The following SMG6 variants were observed in gnomAD, a reference collection of about 807,000 sequenced individuals.
SMG6 encodes telomerase-binding protein EST1A.
In SMG6, 66 loss-of-function variants were observed where a neutral mutation model predicts 142.2. That is an observed-to-expected ratio of 0.46 (90% CI 0.38 to 0.57). The LOEUF is 0.57. SMG6 is among the 20% of genes least tolerant of loss of function. The probability of loss-of-function intolerance (pLI) is 0.00; values close to 1 mark genes in which losing one functional copy is unlikely to be tolerated. For missense variants in SMG6, 1,793 were observed against 1,832.0 expected, an observed-to-expected ratio of 0.98 and a Z score of 0.39; for synonymous variants, 779 against 702.4, an observed-to-expected ratio of 1.11 and a Z score of -1.72.
chr17:2,262,203 C>T (rs1480288052), intron 8 of SMG6, among the ~76,000 whole-genome samples: 3 of 152,186 alleles, frequency 2.0e-5, no homozygotes, highest in African/African-American at 7.2e-5. Flanking sequence ...CCAATGATTA[C>T]AACACAAAGC....
intron 8 of SMG6, among the ~76,000 whole-genome samples, chr17:2,252,533 C>A (rs1046379780): frequency 2.6e-5 from 4 of 152,096 alleles, no homozygotes; most frequent in Non-Finnish European, 5.9e-5. Flanking sequence ...GAGTTGAAAA[C>A]CTGGGTTCGA....
intron 13 of SMG6, among the ~76,000 whole-genome samples, chr17:2,109,469 G>T: frequency 6.6e-6 from 1 of 152,110 alleles, no homozygotes; most frequent in East Asian, 1.9e-4. Context: ...TCGCCATGTT[G>T]GCCAGCCTGG....
Position 2,071,600 on chromosome 17 carries a change from C to T in SMG6, c.3682-2669G>A, listed in dbSNP as rs528855730. On this transcript the variant is annotated intron_variant, in intron 15 of 18. Coordinates refer to ENST00000263073, the MANE Select transcript of SMG6 (RefSeq NM_017575.5). This position sits in a 1 kb window ranked among gnomAD's most constrained non-coding sequence, Gnocchi z 5.6. ...GCCATCATCCGGTCCCAGGGACGCC[C>T]GCAGACAACTTCCCTTAACCTGGCT... Among the ~76,000 whole-genome samples the T allele has an allele frequency of 1.2e-3, 186 of 152,162 alleles. 1 individual carries two copies. Among genetic ancestry groups the T allele is most frequent in the Non-Finnish European group, 2.0e-3 (133 of 68,028 alleles).
rs1028218243 is a variant in SMG6 at position 2,213,432 on chromosome 17, C to T, written c.2869+23060G>A. Among the ~76,000 whole-genome samples the T allele has an allele frequency of 7.2e-5, 11 of 152,276 alleles. No homozygotes were observed. In the East Asian group the frequency reaches 1.5e-3, roughly 21 times the overall value. On this transcript the variant is annotated intron_variant, in intron 10 of 18. Transcript: ENST00000263073. ...GCCTCTCAGCGCTAGGCCCTGATGC[C>T]GCAGCCAGCTTCAAACAACAGAATG...
At position 2,068,127 on chromosome 17, in the gene SMG6, C is replaced by T. The variant is rs2068001340; in HGVS notation, c.3835+651G>A. 2.0e-5 allele frequency among the ~76,000 whole-genome samples: 3 copies of T among 152,292 alleles called. No individual in the cohort carries two copies. In the South Asian group the frequency reaches 6.2e-4, roughly 32 times the overall value. On this transcript the variant is annotated intron_variant, in intron 16 of 18. Coordinates refer to ENST00000263073, the MANE Select transcript of SMG6 (RefSeq NM_017575.5). The surrounding 1 kb of genome is among the most constrained non-coding windows in gnomAD (Gnocchi z 6.7). ...TACCCAGACGGTCCCGTGGAGACGG[C>T]CCAGCTGGGCCTCTCTGGCTAGAGG...
intron 10 of SMG6, among the ~76,000 whole-genome samples, chr17:2,232,177 C>T (rs2073516126): frequency 6.6e-6 from 1 of 152,020 alleles, no homozygotes; most frequent in South Asian, 2.1e-4. Flanking sequence ...TCCCCTACCA[C>T]AATGCTGCTT....
intron 13 of SMG6, among the ~76,000 whole-genome samples, chr17:2,126,948 GCA>G (rs1274081026): frequency 4.0e-5 from 6 of 151,390 alleles, no homozygotes; most frequent in Middle Eastern, 3.4e-3. Flanking sequence ...GCGCACACAT[GCA>G]CACACACACA....
At position 2,084,666 on chromosome 17, in the gene SMG6, G is replaced by A. The variant is rs746407415; in HGVS notation, c.3534+1059C>T. On this transcript the variant is annotated intron_variant, in intron 14 of 18. Coordinates refer to ENST00000263073, the MANE Select transcript of SMG6 (RefSeq NM_017575.5). ...GCTCTACCGGGCGCTTGAGACTGCT[G>A]CAGGCCAAATGACTGTGTTGGCCTA... Among the ~76,000 whole-genome samples, 15 of 152,206 alleles carry A rather than the reference G, an allele frequency of 9.9e-5. 1 individual carries two copies. The highest frequency in any genetic ancestry group is 4.4e-5 in the Non-Finnish European group (3 of 68,036).
intron 10 of SMG6, among the ~76,000 whole-genome samples, chr17:2,207,830 CAG>C (rs1193219210): frequency 2.6e-5 from 4 of 152,258 alleles, no homozygotes; most frequent in Non-Finnish European, 5.9e-5. Context: ...CCCTGCCAAA[CAG>C]ACAGTTTTTA....
At chr17:2,116,575 G>A (rs1050181224) in intron 13 of SMG6, among the ~76,000 whole-genome samples, 16 of 151,880 alleles carry the variant, frequency 1.1e-4, no homozygotes, top group Admixed American at 8.5e-4. Context: ...GTGAAACCCC[G>A]TCTCTACTAA....
chr17:2,286,923 A>ATTTTTT (rs59503723), intron 6 of SMG6, among the ~76,000 whole-genome samples: 2 of 111,440 alleles, frequency 1.8e-5, no homozygotes, highest in Admixed American at 1.0e-4. Context: ...ACATAAAATA[A>ATTTTTT]TTTTTTTTTT....
intron 13 of SMG6, among the ~76,000 whole-genome samples, chr17:2,170,924 A>G (rs931957207): frequency 5.3e-5 from 8 of 152,262 alleles, no homozygotes; most frequent in African/African-American, 1.9e-4. Flanking sequence ...CTGGGTAACT[A>G]TAAAAATGAT....
intron 10 of SMG6, chr17:2,232,557 C>T (rs575764383): frequency 6.6e-6 from 1 of 152,336 alleles, no homozygotes; most frequent in Admixed American, 6.5e-5. Context: ...ACATACCAGG[C>T]CCTATGCCAA....
intron 13 of SMG6, among the ~76,000 whole-genome samples, chr17:2,131,673 A>G (rs2070126717): frequency 6.6e-6 from 1 of 152,228 alleles, no homozygotes; most frequent in Non-Finnish European, 1.5e-5. Context: ...TTATGCAAAG[A>G]AAATGCTGTA....
At chr17:2,176,497 G>C (rs1226268145) in intron 12 of SMG6, among the ~76,000 whole-genome samples, 1 of 152,178 alleles carries the variant, frequency 6.6e-6, no homozygotes, top group Non-Finnish European at 1.5e-5. Context: ...CTTCTGGTTT[G>C]TTCTGGTTCA....
At chr17:2,100,362 G>C (rs2151471615) in intron 13 of SMG6, among the ~76,000 whole-genome samples, 1 of 152,148 alleles carries the variant, frequency 6.6e-6, no homozygotes, top group South Asian at 2.1e-4. Context: ...TTTTAGAGAT[G>C]GGTTTTCACC....
chr17:2,187,133 G>A (rs1445774648), intron 11 of SMG6, among the ~76,000 whole-genome samples: 1 of 152,170 alleles, frequency 6.6e-6, no homozygotes, highest in Non-Finnish European at 1.5e-5. Context: ...GTACCAAGAT[G>A]GCACCAGAGT....
rs143020447 is a variant in SMG6 at position 2,299,979 on chromosome 17, G to A, written c.774C>T (p.Ser258=). The part of the protein sequence containing the change: ...DKRRNRYRTR[S]TSSAGSNNSA... ...TGTTGTTGCTGCCAGCTGAGCTGGT[G>A]CTGCGCGTGCGGTAGCGATTCCTTC... The change falls in exon 2 of 19, where the codon AGC becomes AGT. Residue 258 remains serine (S), a synonymous_variant. Transcript: ENST00000263073. The surrounding 1 kb of genome is among the most constrained non-coding windows in gnomAD (Gnocchi z 4.3). 1,002 of 1,613,976 alleles carry A rather than the reference G, an allele frequency of 6.2e-4. No homozygotes were observed. The highest frequency in any genetic ancestry group is 8.0e-4 in the Non-Finnish European group (943 of 1,180,040).
intron 13 of SMG6, among the ~76,000 whole-genome samples, chr17:2,169,077 T>C (rs976007311): frequency 6.6e-6 from 1 of 150,592 alleles, no homozygotes; most frequent in African/African-American, 2.4e-5. Flanking sequence ...CAGCCAGGCA[T>C]GGTGGCACAT....
Sources: gnomAD v4.1 joint callset for allele counts (sites outside exome capture counted in the v4.1 genomes callset) on GRCh38, gnomAD v4.1.1 for gene constraint, Gnocchi (gnomAD v3.1) non-coding constraint, MANE v1.5 for transcripts, NCBI Gene and HGNC (gene_info 2026-07-23, HGNC 2026-07-21) for gene names.